RAPGEF1: variants seen among roughly 807,000 people sequenced by gnomAD.
RAPGEF1 encodes the protein CRK SH3-binding GNRP.
Under a neutral mutation model 143.3 loss-of-function variants are expected in RAPGEF1, and 33 were observed. The observed-to-expected ratio is 0.23, with a 90% CI of 0.17 to 0.31. The LOEUF is 0.31. Ranked by LOEUF, RAPGEF1 falls within the 10% of genes least tolerant of loss-of-function variation. RAPGEF1 has a pLI of 1.00. For missense variants in RAPGEF1, 1,199 were observed against 1,645.4 expected (o/e 0.73, Z 4.69); for synonymous variants, 629 against 676.5 (o/e 0.93, Z 1.09).
Position 131,578,560 on chromosome 9 carries a change from T to C in RAPGEF1, c.*937A>G, listed in dbSNP as rs1454110007. On this transcript the variant is annotated 3_prime_UTR_variant, in exon 27 of 27. Coordinates refer to ENST00000683357, the MANE Select transcript of RAPGEF1 (RefSeq NM_001377935.1). ...GAAAGCCAGGGGATGGGGAGGGACA[T>C]GAGATGGAGTTTAAGGCACACAGCG... 1 of 152,382 alleles carries C rather than the reference T, an allele frequency of 6.6e-6. No individual in the cohort carries two copies. Among genetic ancestry groups the C allele is most frequent in the Non-Finnish European group, 1.5e-5 (1 of 68,214 alleles). The allele number at this position is 152,382 out of a possible 1,614,324, so 9.4% of individuals were successfully genotyped here.
At chr9:131,714,846 T>C (rs898077104) in intron 1 of RAPGEF1, among the ~76,000 whole-genome samples, 1 of 151,980 alleles carries the variant, frequency 6.6e-6, no homozygotes, top group African/African-American at 2.4e-5. Context: ...TAGCTGGGAC[T>C]ATACGCACTT....
intron 5 of RAPGEF1, among the ~76,000 whole-genome samples, chr9:131,631,873 T>A (rs1167340552): frequency 6.6e-6 from 1 of 152,126 alleles, no homozygotes; most frequent in Admixed American, 6.5e-5. Flanking sequence ...TGGATGGTAA[T>A]AAAATAGAAA....
chr9:131,587,960 C>G lies in RAPGEF1; in HGVS notation c.3120G>C (p.Glu1040Asp). Residue 1040 changes from glutamate (E) to aspartate (D), a missense_variant, in exon 21 of 27, where the codon GAG becomes GAC. Around this residue, in one of 6 missense-constraint regions of RAPGEF1, gnomAD observed 209 missense variants for 403.0 expected, o/e 0.52. Transcript: ENST00000683357. ...IAEQLTLLDAELFYKIEIPEV... is the reference protein window; with the variant it reads ...IAEQLTLLDADLFYKIEIPEV... ...CCTGTACCTCTATTTTATAGAAGAG[C>G]TCAGCATCCAGCAGCGTTAGCTGCT... 6.2e-7 allele frequency: 1 copy of G among 1,612,454 alleles called. No individual in the cohort carries two copies. Among genetic ancestry groups the G allele is most frequent in the Non-Finnish European group, 8.5e-7 (1 of 1,179,220 alleles).
intron 15 of RAPGEF1, among the ~76,000 whole-genome samples, chr9:131,599,003 T>C (rs1955790825): frequency 6.6e-6 from 1 of 152,056 alleles, no homozygotes; most frequent in African/African-American, 2.4e-5. Context: ...TTTTGTATTT[T>C]TAGTAGAGAC....
At chr9:131,725,302 GTGGTAGTCCCAGAGGTTAACATATTGA>G (rs1564206116) in intron 1 of RAPGEF1, 1 of 152,172 alleles carries the variant, frequency 6.6e-6, no homozygotes, top group Admixed American at 6.5e-5. Flanking sequence ...GTTAAGCAAC[GTGGTAGTCCCAGAGGTTAACATATTGA>G]TGCTGAACTT....
chr9:131,727,073 C>T (rs568484343), intron 1 of RAPGEF1, among the ~76,000 whole-genome samples: 1 of 151,996 alleles, frequency 6.6e-6, no homozygotes, highest in African/African-American at 2.4e-5. Flanking sequence ...TTTTTTTAAA[C>T]CTCACCCATA....
In RAPGEF1 at chr9:131,628,786, T is replaced by C; in HGVS notation, c.894-114A>G. On this transcript the variant is annotated intron_variant, in intron 7 of 26. Transcript: ENST00000683357. The surrounding 1 kb of genome is among the most constrained non-coding windows in gnomAD (Gnocchi z 5.7). ...TCATTACTAGACTCTCCACACCCAA[T>C]GTTCACACTTCAACTCCTGCCTACT... The C allele has an allele frequency of 7.2e-7, 1 of 1,380,102 alleles. No homozygotes were observed. Among genetic ancestry groups the C allele is most frequent in the Non-Finnish European group, 9.8e-7 (1 of 1,021,460 alleles). The allele number at this position is 1,380,102 out of a possible 1,614,324, so 85.5% of individuals were successfully genotyped here.
chr9:131,587,720 G>A lies in RAPGEF1; in HGVS notation c.3233+16C>T, dbSNP rs753541180. ...ACCATCCAGAGCAACAGGGCTTGGCGCTGGGCCTCTCTTACCAGTAGGACA... is the reference window on the plus strand; with the variant it reads ...ACCATCCAGAGCAACAGGGCTTGGCACTGGGCCTCTCTTACCAGTAGGACA... On this transcript the variant is annotated intron_variant, in intron 22 of 26. Transcript: ENST00000683357. The A allele has an allele frequency of 7.5e-6, 12 of 1,609,534 alleles. No homozygotes were observed. Among genetic ancestry groups the A allele is most frequent in the Middle Eastern group, 1.8e-4 (1 of 5,700 alleles).
At chr9:131,600,854 A>T (rs1290868237) in intron 15 of RAPGEF1, among the ~76,000 whole-genome samples, 2 of 152,118 alleles carry the variant, frequency 1.3e-5, no homozygotes, top group Non-Finnish European at 2.9e-5. Flanking sequence ...GGTTTGGTTT[A>T]TGCTAATATT....
At chr9:131,632,885 AT>A (rs1965316529) in intron 5 of RAPGEF1, among the ~76,000 whole-genome samples, 1 of 152,222 alleles carries the variant, frequency 6.6e-6, no homozygotes, top group Non-Finnish European at 1.5e-5. Flanking sequence ...TGAAATAATA[AT>A]TAAACAAGCA....
chr9:131,604,816 TA>T, intron 13 of RAPGEF1, 114 bp downstream of exon 13: 1 of 1,191,122 alleles, frequency 8.4e-7, no homozygotes, highest in Non-Finnish European at 1.1e-6. Context: ...CAACTGCTAG[TA>T]AAGGGGAGGC....
At chr9:131,591,716 G>A (rs1169398334) in intron 18 of RAPGEF1, among the ~76,000 whole-genome samples, 3 of 152,282 alleles carry the variant, frequency 2.0e-5, no homozygotes, top group Admixed American at 6.5e-5. Context: ...AGAAGCTGCC[G>A]GAGCCGACCA....
intron 1 of RAPGEF1, among the ~76,000 whole-genome samples, chr9:131,707,398 C>T (rs1835153569): frequency 6.6e-6 from 1 of 152,112 alleles, no homozygotes; most frequent in African/African-American, 2.4e-5. Context: ...TCTTAGGTCC[C>T]CATTTATTTA....
chr9:131,590,027 G>C (rs1311079188), intron 18 of RAPGEF1, 49 bp from the exon 19 acceptor site: 1 of 1,537,996 alleles, frequency 6.5e-7, no homozygotes, highest in Admixed American at 1.7e-5. Flanking sequence ...GAGGGTGGTG[G>C]AGTGGAGGAC....
intron 1 of RAPGEF1, among the ~76,000 whole-genome samples, chr9:131,701,056 C>T (rs1019259149): frequency 6.6e-6 from 1 of 152,028 alleles, no homozygotes; most frequent in African/African-American, 2.4e-5. Flanking sequence ...CCAGGTATTT[C>T]AGCAAAAAGT....
rs1391974965 is a variant in RAPGEF1, at chr9:131,650,155, C to G, written c.289G>C (p.Val97Leu). 6.2e-6 allele frequency: 10 copies of G among 1,613,772 alleles called. No homozygotes were observed. Among genetic ancestry groups the G allele is most frequent in the Non-Finnish European group, 8.5e-6 (10 of 1,179,722 alleles). The change falls in exon 3 of 27, where the codon GTG becomes CTG. Residue 97 changes from valine (V) to leucine (L), a missense_variant. Val to Leu is a conservative substitution (Grantham distance 32). Transcript: ENST00000683357. The surrounding 1 kb of genome is among the most constrained non-coding windows in gnomAD (Gnocchi z 4.7). ...QAVEFMSTSA[V>L]ASRSQRQKNL... is the part of the protein sequence containing the mutation. The stretch of plus-strand genomic sequence containing the variant: ...TTCTGCCTTTGAGACCTGGAAGCCA[C>G]AGCACTGGTGGACATAAATTCTACT...
chr9:131,653,141 C>T (rs998622780), intron 1 of RAPGEF1, among the ~76,000 whole-genome samples: 1 of 152,196 alleles, frequency 6.6e-6, no homozygotes, highest in Non-Finnish European at 1.5e-5. Context: ...GTTCCAGGAT[C>T]CTCTGCGGGG....
At chr9:131,676,231 G>A (rs1832330259) in intron 1 of RAPGEF1, among the ~76,000 whole-genome samples, 1 of 152,182 alleles carries the variant, frequency 6.6e-6, no homozygotes, top group Admixed American at 6.5e-5. Context: ...AGGTGGGCAT[G>A]GGCAGCCGCT....
intron 12 of RAPGEF1, among the ~76,000 whole-genome samples, chr9:131,616,596 A>G (rs1959048627): frequency 6.6e-6 from 1 of 152,206 alleles, no homozygotes; most frequent in South Asian, 2.1e-4. Flanking sequence ...GAGGTTTTCA[A>G]TGGTTAGAAT....
Sources: allele counts gnomAD v4.1 joint callset (sites outside exome capture counted in the v4.1 genomes callset), GRCh38; gene constraint gnomAD v4.1.1; regional missense constraint gnomAD v4.1.1; non-coding constraint Gnocchi (gnomAD v3.1); transcripts MANE v1.5; gene names NCBI Gene and HGNC (gene_info 2026-07-23, HGNC 2026-07-21).